Variants in ATRNL1 observed in about 807,000 individuals in gnomAD.
The protein encoded by ATRNL1 is attractin like 1, also known as attractin-like protein 1.
Under a neutral mutation model 182.7 loss-of-function variants are expected in ATRNL1, and 95 were observed. That is an observed-to-expected ratio of 0.52 (90% CI 0.44 to 0.62). The LOEUF is 0.62. ATRNL1 is among the 20% of genes least tolerant of loss of function. ATRNL1 has a pLI of 0.00. For synonymous variants in ATRNL1, 576 were observed against 568.3 expected (o/e 1.01, Z -0.19); for missense variants, 1,471 against 1,679.5 (o/e 0.88, Z 2.17).
At chr10:115,323,731 AC>A (rs1351687883) in intron 18 of ATRNL1, among the ~76,000 whole-genome samples, 4 of 151,490 alleles carry the variant, frequency 2.6e-5, no homozygotes, top group African/African-American at 9.7e-5. Context: ...GGCATGAGCC[AC>A]CGTGCCTGGC....
chr10:115,629,275 A>G (rs1013746085), intron 26 of ATRNL1, among the ~76,000 whole-genome samples: 38 of 152,206 alleles, frequency 2.5e-4, no homozygotes, highest in Admixed American at 4.6e-4. Flanking sequence ...GTGCGGGTCC[A>G]ACTTTAGTAA....
At chr10:115,376,825 C>A (rs1376946357) in intron 19 of ATRNL1, among the ~76,000 whole-genome samples, 1 of 152,172 alleles carries the variant, frequency 6.6e-6, no homozygotes, top group Non-Finnish European at 1.5e-5. Flanking sequence ...TTTGTCACAT[C>A]TTCTGGTGAT....
At chr10:115,830,939 C>T (rs1555093467) in intron 27 of ATRNL1, among the ~76,000 whole-genome samples, 1 of 145,584 alleles carries the variant, frequency 6.9e-6, no homozygotes, top group African/African-American at 2.9e-5. Context: ...TACAGCTTTA[C>T]AACACAGAGC....
At chr10:115,577,088 CTA>C (rs1282323813) in intron 26 of ATRNL1, among the ~76,000 whole-genome samples, 1 of 151,448 alleles carries the variant, frequency 6.6e-6, no homozygotes, top group African/African-American at 2.4e-5. Flanking sequence ...TTCTATTGGT[CTA>C]TGTGTTTTAA....
intron 26 of ATRNL1, among the ~76,000 whole-genome samples, chr10:115,566,356 T>C (rs1055464812): frequency 1.3e-5 from 2 of 152,178 alleles, no homozygotes; most frequent in African/African-American, 4.8e-5. Context: ...ATTATTACTT[T>C]CAGAATAGTT....
At chr10:115,646,573 T>C (rs1555032531) in intron 26 of ATRNL1, among the ~76,000 whole-genome samples, 2 of 152,064 alleles carry the variant, frequency 1.3e-5, no homozygotes, top group Non-Finnish European at 2.9e-5. Context: ...AGTAATCATG[T>C]GGTCATACCT....
chr10:115,243,565 T>G (rs1850510273), intron 10 of ATRNL1, among the ~76,000 whole-genome samples: 1 of 152,122 alleles, frequency 6.6e-6, no homozygotes, highest in African/African-American at 2.4e-5. Flanking sequence ...CTAACTTTTG[T>G]AACTCCTAAA....
chr10:115,555,193 G>A (rs895075943), intron 26 of ATRNL1, among the ~76,000 whole-genome samples: 5 of 151,934 alleles, frequency 3.3e-5, no homozygotes, highest in African/African-American at 1.2e-4. Flanking sequence ...CAGGAACTCA[G>A]AGAGAAGTAG....
At chr10:115,256,868 T>C (rs1554907127) in intron 10 of ATRNL1, among the ~76,000 whole-genome samples, 2 of 152,242 alleles carry the variant, frequency 1.3e-5, no homozygotes. Flanking sequence ...AAGAACATCT[T>C]TCTGCCTTCA....
intron 27 of ATRNL1, among the ~76,000 whole-genome samples, chr10:115,811,942 A>G (rs1261220463): frequency 1.8e-4 from 27 of 152,126 alleles, no homozygotes; most frequent in African/African-American, 2.4e-5. Flanking sequence ...TCACTACCCA[A>G]AAGTAATCAC....
chr10:115,589,355 C>T (rs1429801633), intron 26 of ATRNL1, among the ~76,000 whole-genome samples: 1 of 151,996 alleles, frequency 6.6e-6, no homozygotes, highest in African/African-American at 2.4e-5. Flanking sequence ...AGAGGGCTTC[C>T]TATATCAGTA....
At chr10:115,617,378 T>TC (rs1857493174) in intron 26 of ATRNL1, among the ~76,000 whole-genome samples, 1 of 151,864 alleles carries the variant, frequency 6.6e-6, no homozygotes, top group Non-Finnish European at 1.5e-5. Context: ...TTGTTTTTTT[T>TC]TAAACGGAGT....
At chr10:115,107,315 A>C (rs537927299) in intron 1 of ATRNL1, among the ~76,000 whole-genome samples, 3 of 152,250 alleles carry the variant, frequency 2.0e-5, no homozygotes, top group African/African-American at 7.2e-5. Flanking sequence ...TAGGATCTAC[A>C]TTCCCGTTCC....
chr10:115,846,049 C>G (rs938758557), intron 27 of ATRNL1, among the ~76,000 whole-genome samples: 2 of 151,994 alleles, frequency 1.3e-5, no homozygotes, highest in Admixed American at 6.6e-5. Context: ...TATCTATGTA[C>G]TTATGCTGAT....
At chr10:115,489,562 T>A (rs116044857) in intron 24 of ATRNL1, among the ~76,000 whole-genome samples, 1 of 152,178 alleles carries the variant, frequency 6.6e-6, no homozygotes, top group Non-Finnish European at 1.5e-5. Flanking sequence ...GCCCCTTTTT[T>A]GCTTTCCATT....
chr10:115,848,203 ATGT>A (rs1950974188), intron 28 of ATRNL1, among the ~76,000 whole-genome samples: 1 of 152,170 alleles, frequency 6.6e-6, no homozygotes, highest in Non-Finnish European at 1.5e-5. Context: ...CGAAAAACAC[ATGT>A]TGAATATGTG....
At chr10:115,771,162 G>A in intron 27 of ATRNL1, among the ~76,000 whole-genome samples, 1 of 151,412 alleles carries the variant, frequency 6.6e-6, no homozygotes, top group Non-Finnish European at 1.5e-5. Flanking sequence ...AAATATCAGA[G>A]CAACCAGGGT....
At position 115,160,096 on chromosome 10, in the gene ATRNL1, G is replaced by A. The variant is rs782257518; in HGVS notation, c.886G>A (p.Val296Ile). The change falls in exon 6 of 29, where the codon GTT (valine) becomes ATT (isoleucine). Residue 296 changes from valine (V) to isoleucine (I), a missense_variant. By Grantham distance (29) the Val-to-Ile change is conservative. Coordinates refer to ENST00000355044, the MANE Select transcript of ATRNL1 (RefSeq NM_207303.4). ...STESYWILPN[V>I]KPFSPSVGRA... ...TGAGTCTTACTGGATTCTGCCAAAC[G>A]TTAAACCCTTCAGTCCTTCTGTAGG... 4 of 1,611,974 alleles carry A rather than the reference G, an allele frequency of 2.5e-6. No homozygotes were observed. The highest frequency in any genetic ancestry group is 1.1e-5 in the South Asian group (1 of 90,956).
At chr10:115,666,768 G>A (rs1284855229) in intron 26 of ATRNL1, among the ~76,000 whole-genome samples, 1 of 151,940 alleles carries the variant, frequency 6.6e-6, no homozygotes, top group Non-Finnish European at 1.5e-5. Context: ...ATATTAAACA[G>A]CATAAATATA....
Sources: allele counts gnomAD v4.1 joint callset (sites outside exome capture counted in the v4.1 genomes callset), GRCh38; gene constraint gnomAD v4.1.1; transcripts MANE v1.5; gene names NCBI Gene and HGNC (gene_info 2026-07-23, HGNC 2026-07-21).